Variants in KCNT2 observed in about 807,000 individuals in gnomAD.
KCNT2 encodes potassium channel subfamily T member 2.
Under a neutral mutation model 153.8 loss-of-function variants are expected in KCNT2, and 67 were observed. The ratio of observed to expected loss-of-function variants is 0.44; its 90% CI spans 0.36 to 0.53. The LOEUF (loss-of-function observed/expected upper bound fraction) is 0.53, where lower values mean the gene tolerates loss of function less well. KCNT2 is among the 20% of genes least tolerant of loss of function. KCNT2 has a pLI of 0.00. For missense variants in KCNT2, 975 were observed against 1,354.8 expected, an observed-to-expected ratio of 0.72 and a Z score of 4.40; for synonymous variants, 500 against 458.8, an observed-to-expected ratio of 1.09 and a Z score of -1.15.
intron 21 of KCNT2, among the ~76,000 whole-genome samples, chr1:196,308,429 C>A (rs1046788927): frequency 2.3e-4 from 35 of 151,956 alleles, no homozygotes; most frequent in Admixed American, 2.3e-3. Flanking sequence ...TTGTGGTTGT[C>A]CAGTATGTCT....
At chr1:196,287,385 G>C (rs902181650) in intron 22 of KCNT2, among the ~76,000 whole-genome samples, 28 of 152,192 alleles carry the variant, frequency 1.8e-4, no homozygotes, top group African/African-American at 6.5e-4. Flanking sequence ...ATTAAAGGGA[G>C]TAGCCAGAAT....
At chr1:196,326,642 G>C in intron 19 of KCNT2, 75 bp downstream of exon 19, 1 of 759,836 alleles carries the variant, frequency 1.3e-6, no homozygotes, top group Non-Finnish European at 2.0e-6. Context: ...AATATTACAG[G>C]CAATTATTTT....
intron 26 of KCNT2, 105 bp downstream of exon 26, chr1:196,258,089 C>G: frequency 6.8e-7 from 1 of 1,467,642 alleles, no homozygotes; most frequent in African/African-American, 1.4e-5. Flanking sequence ...ACTAATTGAC[C>G]TGTGAAGCAA....
At chr1:196,377,508 T>C (rs1210151379) in intron 13 of KCNT2, among the ~76,000 whole-genome samples, 1 of 151,980 alleles carries the variant, frequency 6.6e-6, no homozygotes, top group Non-Finnish European at 1.5e-5. Context: ...TTCCTCTTTG[T>C]ATGCAAAAAC....
chr1:196,527,226 A>C (rs1654356706), intron 1 of KCNT2, among the ~76,000 whole-genome samples: 2 of 152,130 alleles, frequency 1.3e-5, no homozygotes, highest in South Asian at 4.1e-4. Flanking sequence ...GAAGCAAAAG[A>C]GCGTTTGAAA....
At chr1:196,318,955 A>C (rs1026978253) in intron 20 of KCNT2, among the ~76,000 whole-genome samples, 1 of 151,706 alleles carries the variant, frequency 6.6e-6, no homozygotes, top group African/African-American at 2.4e-5. Flanking sequence ...ACCATAATAC[A>C]TGTATAAGAA....
At chr1:196,529,516 A>G (rs992947383) in intron 1 of KCNT2, among the ~76,000 whole-genome samples, 2 of 152,124 alleles carry the variant, frequency 1.3e-5, no homozygotes, top group Non-Finnish European at 2.9e-5. Flanking sequence ...AGAGAAAGAA[A>G]TTTATTTACA....
chr1:196,300,447 C>T (rs1489586598), intron 22 of KCNT2, among the ~76,000 whole-genome samples: 1 of 152,072 alleles, frequency 6.6e-6, no homozygotes, highest in Non-Finnish European at 1.5e-5. Flanking sequence ...CCCCTTCTTC[C>T]CTGAAGCAGG....
In KCNT2 at chr1:196,327,668, C is replaced by CTTTTTTTTTTTTTTTTTT. The variant is rs773639795; in HGVS notation, c.2104-780_2104-779insAAAAAAAAAAAAAAAAAA. On this transcript the variant is annotated intron_variant, in intron 18 of 27. Coordinates refer to ENST00000294725, the MANE Select transcript of KCNT2 (RefSeq NM_198503.5). ...TTTATCACCTCTGGAATATTCTGATCTTTTTTTTTTTTTTTGAGACAGGGC... is the reference window on the plus strand; with the variant it reads ...TTTATCACCTCTGGAATATTCTGATCTTTTTTTTTTTTTTTTTTTTTTTTTTTTTTTTTGAGACAGGGC... Among the ~76,000 whole-genome samples, 2 of 127,898 alleles carry CTTTTTTTTTTTTTTTTTT rather than the reference C, an allele frequency of 1.6e-5. 1 individual carries two copies. Among genetic ancestry groups the CTTTTTTTTTTTTTTTTTT allele is most frequent in the African/African-American group, 6.5e-5 (2 of 30,718 alleles). 83.9% of individuals were successfully genotyped at this position (127,898 alleles called of 152,430 possible). A position where few individuals can be genotyped will look rare whatever the true frequency, so the allele number is the denominator to read the frequency against.
At chr1:196,605,736 G>C (rs1430844002) in intron 1 of KCNT2, among the ~76,000 whole-genome samples, 1 of 152,106 alleles carries the variant, frequency 6.6e-6, no homozygotes, top group African/African-American at 2.4e-5. Context: ...CCATATTATA[G>C]ACAAGGAAGA....
chr1:196,531,971 C>G (rs1654999746), intron 1 of KCNT2, among the ~76,000 whole-genome samples: 1 of 151,930 alleles, frequency 6.6e-6, no homozygotes, highest in Non-Finnish European at 1.5e-5. Context: ...TTATCTATAG[C>G]TACCAAAACA....
At chr1:196,327,874 C>A (rs1413987933) in intron 18 of KCNT2, among the ~76,000 whole-genome samples, 4 of 151,628 alleles carry the variant, frequency 2.6e-5, no homozygotes. Flanking sequence ...TGGGCTCAAG[C>A]AATCCACCCA....
At chr1:196,472,159 C>T (rs940791073) in intron 5 of KCNT2, among the ~76,000 whole-genome samples, 1 of 152,122 alleles carries the variant, frequency 6.6e-6, no homozygotes, top group Non-Finnish European at 1.5e-5. Context: ...TTTTAAAATG[C>T]TTGTTGGGGC....
At chr1:196,555,693 T>A (rs187928208) in intron 1 of KCNT2, among the ~76,000 whole-genome samples, 1 of 150,896 alleles carries the variant, frequency 6.6e-6, no homozygotes, top group Admixed American at 6.6e-5. Flanking sequence ...ATAGCAAAGG[T>A]TATCCTAAGC....
intron 21 of KCNT2, among the ~76,000 whole-genome samples, chr1:196,308,667 A>G (rs1661866285): frequency 6.6e-6 from 1 of 152,038 alleles, no homozygotes; most frequent in Admixed American, 6.6e-5. Context: ...ACTGAGGACC[A>G]AAGAGACAAA....
intron 26 of KCNT2, among the ~76,000 whole-genome samples, chr1:196,242,161 T>C (rs1655016347): frequency 6.6e-6 from 1 of 152,142 alleles, no homozygotes; most frequent in Admixed American, 6.5e-5. Context: ...AGCTATTTTA[T>C]ATTAAAGAAT....
intron 25 of KCNT2, among the ~76,000 whole-genome samples, chr1:196,272,614 T>C (rs1658175591): frequency 1.3e-5 from 2 of 151,874 alleles, no homozygotes; most frequent in Non-Finnish European, 2.9e-5. Flanking sequence ...AGCTTTGCCA[T>C]CTATCAACAT....
chr1:196,573,001 C>T lies in KCNT2; in HGVS notation c.95+35214G>A, dbSNP rs1262609850. On this transcript the variant is annotated intron_variant, in intron 1 of 27. Coordinates refer to ENST00000294725, the MANE Select transcript of KCNT2 (RefSeq NM_198503.5). The stretch of plus-strand genomic sequence containing the variant: ...TAAAATAAGCTATTGTTAACCAAGG[C>T]AGGCCTTGTCTCTTCGGGATTTTAA... Among the ~76,000 whole-genome samples the T allele has an allele frequency of 2.6e-5, 4 of 152,178 alleles. No homozygotes were observed. In the East Asian group the frequency reaches 7.7e-4, roughly 29 times the overall value.
chr1:196,546,402 A>G (rs991951874), intron 1 of KCNT2, among the ~76,000 whole-genome samples: 23 of 152,058 alleles, frequency 1.5e-4, no homozygotes, highest in African/African-American at 5.6e-4. Context: ...TACTCTTCTT[A>G]TCTTTGCAGC....
Sources: gnomAD v4.1 joint callset for allele counts (sites outside exome capture counted in the v4.1 genomes callset) on GRCh38, gnomAD v4.1.1 for gene constraint, MANE v1.5 for transcripts, NCBI Gene and HGNC (gene_info 2026-07-23, HGNC 2026-07-21) for gene names.